NTRK3: variants seen among roughly 807,000 people sequenced by gnomAD.
NTRK3 encodes neurotrophic receptor tyrosine kinase 3.
Under a neutral mutation model 91.7 loss-of-function variants are expected in NTRK3, and 24 were observed. The observed-to-expected ratio is 0.26, with a 90% CI of 0.19 to 0.37. NTRK3 has a LOEUF of 0.37. NTRK3 is among the 10% of genes least tolerant of loss of function. NTRK3 has a pLI of 1.00. For synonymous variants in NTRK3, 483 were observed against 404.0 expected, an observed-to-expected ratio of 1.20 and a Z score of -2.34; for missense variants, 880 against 1,068.9, an observed-to-expected ratio of 0.82 and a Z score of 2.46.
chr15:87,981,506 G>T, intron 14 of NTRK3: 1 of 1,030,708 alleles, frequency 9.7e-7, no homozygotes, highest in Non-Finnish European at 1.5e-6. Flanking sequence ...TGCTGTGCCT[G>T]TAGTGGCAGC....
chr15:87,880,969 C>G (rs1208758008), intron 17 of NTRK3, among the ~76,000 whole-genome samples: 1 of 152,294 alleles, frequency 6.6e-6, no homozygotes, highest in East Asian at 1.9e-4. Flanking sequence ...GCGTGGAAGA[C>G]CACGTGCTAA....
Position 88,199,110 on chromosome 15 carries a change from G to T in NTRK3, c.249-14811C>A, listed in dbSNP as rs752125100. ...TAGTTCCTGGATCCAGGGACAGGGTGGGGTGGGGAGAAGGAGGTATCAGGC... is the reference window on the plus strand; with the variant it reads ...TAGTTCCTGGATCCAGGGACAGGGTTGGGTGGGGAGAAGGAGGTATCAGGC... On this transcript the variant is annotated intron_variant, in intron 3 of 18. Coordinates refer to ENST00000394480, the Ensembl canonical transcript of NTRK3. Among the ~76,000 whole-genome samples, 4 of 152,196 alleles carry T rather than the reference G, an allele frequency of 2.6e-5. No individual in the cohort carries two copies. In the East Asian group the frequency reaches 5.8e-4, roughly 22 times the overall value.
At chr15:88,085,400 G>C (rs967837539) in intron 13 of NTRK3, among the ~76,000 whole-genome samples, 3 of 152,230 alleles carry the variant, frequency 2.0e-5, no homozygotes, top group Non-Finnish European at 4.4e-5. Context: ...AAGGTTTTAA[G>C]AGGTACAGAC....
chr15:88,083,176 C>T (rs928158598), intron 13 of NTRK3, among the ~76,000 whole-genome samples: 2 of 152,144 alleles, frequency 1.3e-5, no homozygotes, highest in Non-Finnish European at 2.9e-5. Context: ...CCTCTCCACC[C>T]CTGCACGGTC....
At chr15:87,957,404 T>C (rs2071778853) in intron 14 of NTRK3, among the ~76,000 whole-genome samples, 1 of 152,200 alleles carries the variant, frequency 6.6e-6, no homozygotes, top group Admixed American at 6.5e-5. Context: ...TGTGGCTTCA[T>C]TAAGAGATTG....
rs144605305 is a variant in NTRK3 at position 88,034,327 on chromosome 15, C to G, written c.1397-1282G>C. Reference sequence around the variant, plus strand: ...TGTGTCTTCATCAACCCCAGTTCCACTCCCACTTCTTTCTAACCCAAAGAA... The same window carrying G: ...TGTGTCTTCATCAACCCCAGTTCCAGTCCCACTTCTTTCTAACCCAAAGAA... On this transcript the variant is annotated intron_variant, in intron 13 of 18. Transcript: ENST00000394480. Among the ~76,000 whole-genome samples the G allele has an allele frequency of 7.2e-3, 1,096 of 152,314 alleles. 17 individuals are homozygous for G. Among genetic ancestry groups the G allele is most frequent in the African/African-American group, 0.025 (1,031 of 41,564 alleles).
chr15:87,950,095 C>A (rs1158998086), intron 14 of NTRK3, among the ~76,000 whole-genome samples: 1 of 152,184 alleles, frequency 6.6e-6, no homozygotes, highest in Non-Finnish European at 1.5e-5. Flanking sequence ...CTCTGTCCCC[C>A]AAGCCGTCCC....
At position 88,060,849 on chromosome 15, in the gene NTRK3, A is replaced by G. The variant is rs115901009; in HGVS notation, c.1397-27804T>C. ...TTTTGCTCAAAAAATATTTACTTTT[A>G]GCCATTGGTATCATCTTAAATTTAC... is the stretch of plus-strand genomic sequence containing the variant. On this transcript the variant is annotated intron_variant, in intron 13 of 18. Transcript: ENST00000394480. Among the ~76,000 whole-genome samples, 1,513 of 152,298 alleles carry G rather than the reference A, an allele frequency of 9.9e-3. 27 individuals carry two copies. The highest frequency in any genetic ancestry group is 0.034 in the African/African-American group (1,418 of 41,550).
chr15:87,879,342 C>A (rs1171319717), intron 18 of NTRK3, among the ~76,000 whole-genome samples: 2 of 152,198 alleles, frequency 1.3e-5, no homozygotes, highest in Non-Finnish European at 2.9e-5. Context: ...CATAGGTCGA[C>A]TGGGTTGAAA....
chr15:88,218,317 G>A (rs548783998), intron 3 of NTRK3, among the ~76,000 whole-genome samples: 4 of 152,236 alleles, frequency 2.6e-5, no homozygotes, highest in South Asian at 2.1e-4. Context: ...ATGCAGCTAC[G>A]GTTGCTGGTG....
At chr15:88,197,871 T>C (rs1170515803) in intron 3 of NTRK3, among the ~76,000 whole-genome samples, 1 of 152,164 alleles carries the variant, frequency 6.6e-6, no homozygotes, top group Non-Finnish European at 1.5e-5. Flanking sequence ...TTGGAAGCGG[T>C]TTGTTATAAT....
chr15:88,190,815 G>A (rs2047325691), intron 3 of NTRK3, among the ~76,000 whole-genome samples: 1 of 152,242 alleles, frequency 6.6e-6, no homozygotes, highest in South Asian at 2.1e-4. Context: ...GTTAGAGAAG[G>A]TAATGCCTAA....
chr15:87,934,715 G>C (rs945677077), intron 15 of NTRK3, among the ~76,000 whole-genome samples: 1 of 152,148 alleles, frequency 6.6e-6, no homozygotes, highest in Admixed American at 6.5e-5. Context: ...AACTGAGGCT[G>C]AGCCTGTCCA....
At chr15:88,211,955 A>G (rs1310603851) in intron 3 of NTRK3, among the ~76,000 whole-genome samples, 1 of 152,244 alleles carries the variant, frequency 6.6e-6, no homozygotes, top group Non-Finnish European at 1.5e-5. Flanking sequence ...GTAATTCAAT[A>G]AACCCAATTT....
At position 88,234,135 on chromosome 15, in the gene NTRK3, T is replaced by A. The variant is rs750184499; in HGVS notation, c.248+21771A>T. Among the ~76,000 whole-genome samples, 2 of 152,128 alleles carry A rather than the reference T, an allele frequency of 1.3e-5. No homozygotes were observed. Among genetic ancestry groups the A allele is most frequent in the Non-Finnish European group, 2.9e-5 (2 of 68,024 alleles). ...TGCCAGGCCAGCCTGCCAGGCAGCC[T>A]GGACCTTCAGTCAGGAGACGATGGA... On this transcript the variant is annotated intron_variant, in intron 3 of 18. Transcript: ENST00000394480. The surrounding 1 kb of genome is among the most constrained non-coding windows in gnomAD (Gnocchi z 6.1).
chr15:87,870,177 G>GTGGTACACA (rs1415977114), exon 19 of NTRK3: 1 of 180,796 alleles, frequency 5.5e-6, no homozygotes, highest in Non-Finnish European at 1.1e-5. Context: ...TAAAGAAACT[G>GTGGTACACA]TGGTACACAC....
intron 13 of NTRK3, among the ~76,000 whole-genome samples, chr15:88,080,349 C>T (rs770672786): frequency 1.3e-5 from 2 of 152,196 alleles, no homozygotes; most frequent in Non-Finnish European, 2.9e-5. Flanking sequence ...TGAGAGCCCC[C>T]TTTTCTCTAT....
At chr15:88,147,259 C>T in intron 6 of NTRK3, 76 bp downstream of exon 6, 1 of 1,362,014 alleles carries the variant, frequency 7.3e-7, no homozygotes, top group Non-Finnish European at 1.0e-6. Flanking sequence ...TCAGGTGGTT[C>T]CACTGCTTGA....
At position 87,877,180 on chromosome 15, in the gene NTRK3, C is replaced by G. The variant is rs966686264; in HGVS notation, c.2293-60G>C. The G allele has an allele frequency of 2.5e-6, 4 of 1,573,178 alleles. No homozygotes were observed. In the Admixed American group the frequency reaches 5.3e-5, roughly 21 times the overall value. ...AAAGCTCAGCCTTGGTCCTGTGGCT[C>G]AGACTCGGCAAAAAGCAACAACTTC... On this transcript the variant is annotated intron_variant, in intron 18 of 18. Coordinates refer to ENST00000394480, the Ensembl canonical transcript of NTRK3.
Sources: gnomAD v4.1 joint callset for allele counts (sites outside exome capture counted in the v4.1 genomes callset) on GRCh38, gnomAD v4.1.1 for gene constraint, Gnocchi (gnomAD v3.1) non-coding constraint, MANE v1.5 for transcripts, NCBI Gene and HGNC (gene_info 2026-07-23, HGNC 2026-07-21) for gene names.